Variants in CLHC1 observed in about 807,000 individuals in gnomAD.
CLHC1 encodes the protein clathrin heavy chain linker domain containing 1, also known as clathrin heavy chain linker domain-containing protein 1.
Under a neutral mutation model 69.5 loss-of-function variants are expected in CLHC1, and 72 were observed. The observed-to-expected ratio is 1.04, with a 90% confidence interval of 0.86 to 1.26. The LOEUF is 1.26. Among genes scored for constraint, CLHC1 ranks in the 50% most tolerant of loss-of-function variants. The pLI, the probability that CLHC1 is intolerant of heterozygous loss-of-function variation, is 0.00. For missense variants in CLHC1, 790 were observed against 679.3 expected (o/e 1.16, Z -1.81); for synonymous variants, 223 against 224.3 (o/e 0.99, Z 0.05).
chr2:55,231,569 C>A (rs1231715903), intron 1 of CLHC1, among the ~76,000 whole-genome samples: 1 of 152,100 alleles, frequency 6.6e-6, no homozygotes, highest in African/African-American at 2.4e-5. Flanking sequence ...GGAACCCCTA[C>A]AAGAGAAAAT....
At chr2:55,194,307 A>C (rs2103807697) in intron 9 of CLHC1, among the ~76,000 whole-genome samples, 1 of 152,266 alleles carries the variant, frequency 6.6e-6, no homozygotes, top group African/African-American at 2.4e-5. Flanking sequence ...AACTAACATA[A>C]TCCTCTCAAT....
upstream of CLHC1, chr2:55,232,443 T>C (rs1675509735): frequency 6.5e-6 from 2 of 306,514 alleles, no homozygotes; most frequent in Non-Finnish European, 1.3e-5. Flanking sequence ...CCACGTTGAT[T>C]GTACGGGAAA....
chr2:55,211,309 G>A (rs1269839297), intron 5 of CLHC1, among the ~76,000 whole-genome samples: 1 of 151,974 alleles, frequency 6.6e-6, no homozygotes, highest in African/African-American at 2.4e-5. Flanking sequence ...AGACCATCAT[G>A]GCTAACACGG....
rs1424060253 is a variant in CLHC1 at position 55,208,678 on chromosome 2, C to G, written c.847G>C (p.Asp283His). 4 of 1,612,332 alleles carry G rather than the reference C, an allele frequency of 2.5e-6. No homozygotes were observed. Among genetic ancestry groups the G allele is most frequent in the Admixed American group, 1.7e-5 (1 of 59,968 alleles). ...GCTTCTTTTGCCCTGCGTGGATCAT[C>G]TTCCATTAGTTCTTCAACAATGCCT... ...DQGIVEELME[D>H]DPRRAKEAEI... is the part of the protein sequence containing the mutation. The change falls in exon 8 of 13, where the codon GAT becomes CAT. Residue 283 changes from aspartate (D) to histidine (H), a missense_variant. Physicochemically the swap from Asp to His is moderately conservative, Grantham distance 81. Coordinates refer to ENST00000401408, the MANE Select transcript of CLHC1 (RefSeq NM_152385.4).
chr2:55,226,099 GGA>G (rs911869618), intron 2 of CLHC1, among the ~76,000 whole-genome samples: 1 of 151,702 alleles, frequency 6.6e-6, no homozygotes, highest in African/African-American at 2.4e-5. Context: ...GGCTGAGGCA[GGA>G]GAGTGGCGTG....
chr2:55,189,340 TTAAA>T (rs1344366421), intron 9 of CLHC1, among the ~76,000 whole-genome samples: 1 of 152,296 alleles, frequency 6.6e-6, no homozygotes, highest in African/African-American at 2.4e-5. Flanking sequence ...AATAATTTTG[TTAAA>T]TAGTTATTAT....
intron 3 of CLHC1, among the ~76,000 whole-genome samples, chr2:55,219,246 T>C (rs1005469020): frequency 2.6e-5 from 4 of 152,082 alleles, no homozygotes; most frequent in Admixed American, 6.5e-5. Flanking sequence ...GTAATAAATA[T>C]GTAGTGGTAT....
chr2:55,212,611 C>A, intron 5 of CLHC1, 62 bp downstream of exon 5: 1 of 1,290,452 alleles, frequency 7.7e-7, no homozygotes, highest in Non-Finnish European at 1.1e-6. Context: ...TTAATGCATG[C>A]CTTAGGTAAA....
At chr2:55,219,893 T>C (rs1673945751) in intron 3 of CLHC1, among the ~76,000 whole-genome samples, 1 of 152,120 alleles carries the variant, frequency 6.6e-6, no homozygotes, top group East Asian at 1.9e-4. Context: ...TACCTCCATA[T>C]CCCTGCCCAC....
chr2:55,201,429 A>G (rs1055622188), intron 9 of CLHC1, among the ~76,000 whole-genome samples: 2 of 152,162 alleles, frequency 1.3e-5, no homozygotes, highest in Non-Finnish European at 2.9e-5. Context: ...AGAAATGAAT[A>G]AATTCTTAAG....
At chr2:55,194,557 C>G (rs1300695485) in intron 9 of CLHC1, among the ~76,000 whole-genome samples, 2 of 145,700 alleles carry the variant, frequency 1.4e-5, no homozygotes, top group Non-Finnish European at 3.0e-5. Context: ...TACAATAAAG[C>G]AAGAAAAAAA....
chr2:55,192,903 T>A (rs956186756), intron 9 of CLHC1, among the ~76,000 whole-genome samples: 2 of 144,842 alleles, frequency 1.4e-5, no homozygotes, highest in African/African-American at 5.2e-5. Flanking sequence ...TTTTTTTTTT[T>A]TTTTTGAGAT....
In CLHC1 at chr2:55,177,637, A is replaced by T; in HGVS notation, c.1529T>A (p.Ile510Asn). Reference protein sequence around the residue: ...LFSADMKKVGIKLLQEINKGG... With the variant: ...LFSADMKKVGNKLLQEINKGG... ...TTTATTGATTTCTTGAAGTAGCTTA[A>T]TGCCAACTTTTTTCATGTCTGCAGA... Residue 510 changes from isoleucine (I) to asparagine (N), a missense_variant, in exon 12 of 13, where the codon ATT (isoleucine) becomes AAT (asparagine). Physicochemically the swap from Ile to Asn is moderately radical, Grantham distance 149. Coordinates refer to ENST00000401408, the MANE Select transcript of CLHC1 (RefSeq NM_152385.4). 6.2e-7 allele frequency: 1 copy of T among 1,608,518 alleles called. No individual in the cohort carries two copies. Among genetic ancestry groups the T allele is most frequent in the Non-Finnish European group, 8.5e-7 (1 of 1,177,124 alleles).
chr2:55,222,432 G>A lies in CLHC1; in HGVS notation c.-21C>T, dbSNP rs1255218792. 1 of 1,601,818 alleles carries A rather than the reference G, an allele frequency of 6.2e-7. No homozygotes were observed. Among genetic ancestry groups the A allele is most frequent in the Non-Finnish European group, 8.5e-7 (1 of 1,173,252 alleles). The stretch of plus-strand genomic sequence containing the variant: ...GACATATTTGACAATCTGCACACTT[G>A]TTCACTGAAGAACAGCTAAATCTTG... On this transcript the variant is annotated 5_prime_UTR_variant, in exon 3 of 13. Coordinates refer to ENST00000401408, the MANE Select transcript of CLHC1 (RefSeq NM_152385.4).
intron 9 of CLHC1, among the ~76,000 whole-genome samples, chr2:55,185,831 A>G (rs900294424): frequency 2.4e-4 from 36 of 152,222 alleles, no homozygotes; most frequent in African/African-American, 8.0e-4. Context: ...TGAAAATGTT[A>G]TAGGAAAATA....
At chr2:55,208,982 T>C (rs1357299753) in intron 7 of CLHC1, among the ~76,000 whole-genome samples, 1 of 149,978 alleles carries the variant, frequency 6.7e-6, no homozygotes, top group Non-Finnish European at 1.5e-5. Context: ...ACCATTCTCC[T>C]GCCTCAGCCT....
At chr2:55,193,130 G>A (rs919117087) in intron 9 of CLHC1, among the ~76,000 whole-genome samples, 2 of 151,958 alleles carry the variant, frequency 1.3e-5, no homozygotes, top group East Asian at 3.9e-4. Context: ...CTGACCTTGT[G>A]ATCCACCCGC....
At chr2:55,224,211 G>C in intron 2 of CLHC1, 1 of 302,624 alleles carries the variant, frequency 3.3e-6, no homozygotes, top group Non-Finnish European at 6.7e-6. Flanking sequence ...CAGTTCAAGC[G>C]AAGGGAGGTC....
chr2:55,193,898 G>A (rs140490206), intron 9 of CLHC1, among the ~76,000 whole-genome samples: 1 of 152,244 alleles, frequency 6.6e-6, no homozygotes, highest in Non-Finnish European at 1.5e-5. Flanking sequence ...TGAATGTATA[G>A]ACAAAATGCA....
Sources: allele counts gnomAD v4.1 joint callset (sites outside exome capture counted in the v4.1 genomes callset), GRCh38; gene constraint gnomAD v4.1.1; transcripts MANE v1.5; gene names NCBI Gene and HGNC (gene_info 2026-07-23, HGNC 2026-07-21).